The following AOPEP variants were observed in gnomAD, a reference collection of about 807,000 sequenced individuals.
AOPEP encodes the protein aminopeptidase O.
A neutral mutation model predicts 98.1 loss-of-function variants in AOPEP; 77 were observed. The observed-to-expected ratio is 0.78, with a 90% CI of 0.65 to 0.95. The LOEUF is 0.95. AOPEP is among the 40% of genes least tolerant of loss of function. The pLI is 0.00. For missense variants in AOPEP, 1,024 were observed against 1,024.7 expected (o/e 1.00, Z 0.01); for synonymous variants, 346 against 365.3 (o/e 0.95, Z 0.60).
intron 3 of AOPEP, among the ~76,000 whole-genome samples, chr9:94,773,687 C>G (rs1841400010): frequency 6.6e-6 from 1 of 152,190 alleles, no homozygotes; most frequent in African/African-American, 2.4e-5. Context: ...AATGCATCAT[C>G]AAGGTTTTAT....
intron 5 of AOPEP, among the ~76,000 whole-genome samples, chr9:94,859,949 A>G (rs1416482457): frequency 2.0e-5 from 3 of 152,270 alleles, no homozygotes; most frequent in Non-Finnish European, 4.4e-5. Flanking sequence ...ATGAACAAAT[A>G]GAGACAGTCC....
Position 94,730,265 on chromosome 9 carries a change from C to T in AOPEP, c.-136+3514C>T, listed in dbSNP as rs534279224. On this transcript the variant is annotated intron_variant, in intron 1 of 16. Transcript: ENST00000375315. Reference sequence around the variant, plus strand: ...CGCCACTGCACTCCAGCCTGGGCGACAGAGCGAGACTCCATCTCAAAAAAA... The same window carrying T: ...CGCCACTGCACTCCAGCCTGGGCGATAGAGCGAGACTCCATCTCAAAAAAA... Among the ~76,000 whole-genome samples the T allele has an allele frequency of 3.1e-4, 43 of 137,338 alleles. No homozygotes were observed. The South Asian group carries it at 9.0e-3, about 29-fold the overall frequency. 90.1% of individuals were successfully genotyped at this position (137,338 alleles called of 152,430 possible). A position where few individuals can be genotyped will look rare whatever the true frequency, so the allele number is the denominator to read the frequency against.
chr9:94,839,349 A>G (rs910431252), intron 5 of AOPEP, among the ~76,000 whole-genome samples: 1 of 152,138 alleles, frequency 6.6e-6, no homozygotes, highest in South Asian at 2.1e-4. Flanking sequence ...CGGCCTCCCA[A>G]AGTGGCTGGG....
chr9:94,928,050 C>A (rs548071143), intron 6 of AOPEP, among the ~76,000 whole-genome samples: 1 of 152,146 alleles, frequency 6.6e-6, no homozygotes, highest in Admixed American at 6.5e-5. Flanking sequence ...CGGAGGTGAA[C>A]GGTGGGGCCT....
intron 13 of AOPEP, among the ~76,000 whole-genome samples, chr9:95,058,487 G>T (rs1294212230): frequency 6.6e-6 from 1 of 152,180 alleles, no homozygotes; most frequent in East Asian, 1.9e-4. Flanking sequence ...TGGTGGTGCC[G>T]AGAATCACTT....
Position 94,760,434 on chromosome 9 carries a change from A to G in AOPEP, c.651A>G (p.Glu217=), listed in dbSNP as rs41281172. The part of the protein sequence containing the change: ...ARCSQAPGCG[E]LLFDTDTWSL... ...GCAGCCAGGCTCCTGGCTGTGGGGA[A>G]CTCCTCTTTGACACTGACACTTGGA... The change falls in exon 2 of 17, where the codon GAA becomes GAG. Residue 217 remains glutamate, a synonymous_variant. Coordinates refer to ENST00000375315, the MANE Select transcript of AOPEP (RefSeq NM_001193329.3). 249 of 1,613,768 alleles carry G rather than the reference A, an allele frequency of 1.5e-4. No homozygotes were observed. Among genetic ancestry groups the G allele is most frequent in the Non-Finnish European group, 2.1e-4 (242 of 1,179,892 alleles).
At chr9:94,897,840 C>CTT (rs1187082923) in intron 5 of AOPEP, among the ~76,000 whole-genome samples, 1,021 of 47,376 alleles carry the variant, frequency 0.022, 16 homozygotes, top group African/African-American at 0.078. Context: ...CAAAAGTATG[C>CTT]CTTTTTTTTT....
intron 9 of AOPEP, among the ~76,000 whole-genome samples, chr9:94,966,358 C>G (rs549379315): frequency 2.6e-5 from 4 of 152,112 alleles, no homozygotes; most frequent in African/African-American, 9.6e-5. Flanking sequence ...AGACTTGGTT[C>G]TACTGGTAGG....
the AOPEP span, chr9:95,150,186 C>A: frequency 8.2e-7 from 1 of 1,225,208 alleles, no homozygotes. Context: ...GACAGATCAC[C>A]TGTTTTGCCT....
intron 14 of AOPEP, among the ~76,000 whole-genome samples, chr9:95,066,320 G>A (rs1009402523): frequency 6.6e-5 from 10 of 152,010 alleles, no homozygotes; most frequent in African/African-American, 2.2e-4. Context: ...CTGTGATAAA[G>A]GGATTTTTTT....
intron 5 of AOPEP, among the ~76,000 whole-genome samples, chr9:94,861,397 C>T (rs755538238): frequency 6.6e-6 from 1 of 152,192 alleles, no homozygotes; most frequent in Non-Finnish European, 1.5e-5. Context: ...GAAACATATA[C>T]TGGTTCTTTC....
At chr9:95,067,661 G>A (rs2068052118) in intron 14 of AOPEP, among the ~76,000 whole-genome samples, 1 of 152,202 alleles carries the variant, frequency 6.6e-6, no homozygotes, top group African/African-American at 2.4e-5. Flanking sequence ...TTCTTAGGGT[G>A]AGGGGTAACT....
chr9:94,771,657 A>G (rs2132813042), intron 2 of AOPEP, among the ~76,000 whole-genome samples: 1 of 152,096 alleles, frequency 6.6e-6, no homozygotes, highest in South Asian at 2.1e-4. Context: ...GAAATACGTT[A>G]CTTCTGTAAC....
chr9:94,831,646 G>A (rs776187134), intron 5 of AOPEP, among the ~76,000 whole-genome samples: 3 of 152,098 alleles, frequency 2.0e-5, no homozygotes, highest in African/African-American at 7.2e-5. Flanking sequence ...ACTTTGGTCA[G>A]TATGGCCATC....
the AOPEP span, among the ~76,000 whole-genome samples, chr9:95,122,016 C>A: frequency 6.6e-6 from 1 of 151,986 alleles, no homozygotes; most frequent in East Asian, 1.9e-4. Context: ...CACCACCATG[C>A]CCGGCGAATT....
chr9:94,961,532 TA>T (rs1173858889), intron 9 of AOPEP, among the ~76,000 whole-genome samples: 1 of 152,202 alleles, frequency 6.6e-6, no homozygotes, highest in Non-Finnish European at 1.5e-5. Flanking sequence ...CCTTTATTGT[TA>T]GTGTTATTTT....
At chr9:95,003,379 C>CCTT (rs2061693237) in intron 11 of AOPEP, among the ~76,000 whole-genome samples, 1 of 152,142 alleles carries the variant, frequency 6.6e-6, no homozygotes. Context: ...TGTATTTAAG[C>CCTT]AGAGCACTGT....
At chr9:94,733,381 A>G (rs1831022399) in intron 1 of AOPEP, among the ~76,000 whole-genome samples, 1 of 152,168 alleles carries the variant, frequency 6.6e-6, no homozygotes, top group Non-Finnish European at 1.5e-5. Flanking sequence ...TGCGGGGATT[A>G]CAAGTGTGAG....
At chr9:94,765,032 TA>T (rs1358710096) in intron 2 of AOPEP, among the ~76,000 whole-genome samples, 1 of 151,684 alleles carries the variant, frequency 6.6e-6, no homozygotes, top group African/African-American at 2.4e-5. Context: ...GAGAAGAAAA[TA>T]TATTTGTAGT....
Sources: gnomAD v4.1 joint callset for allele counts (sites outside exome capture counted in the v4.1 genomes callset) on GRCh38, gnomAD v4.1.1 for gene constraint, MANE v1.5 for transcripts, NCBI Gene and HGNC (gene_info 2026-07-23, HGNC 2026-07-21) for gene names.